SPARCL1: variants seen among roughly 807,000 people sequenced by gnomAD.
SPARCL1 encodes SPARC-like protein 1.
A neutral mutation model predicts 67.1 loss-of-function variants in SPARCL1; 52 were observed. The ratio of observed to expected loss-of-function variants is 0.78; its 90% CI spans 0.62 to 0.98. The LOEUF (loss-of-function observed/expected upper bound fraction) is 0.98. SPARCL1 is among the 50% of genes least tolerant of loss of function. SPARCL1 has a pLI of 0.00. For missense variants in SPARCL1, 717 were observed against 782.4 expected (o/e 0.92, Z 1.00); for synonymous variants, 226 against 267.8 (o/e 0.84, Z 1.52).
intron 4 of SPARCL1, 87 bp from the exon 5 acceptor site, chr4:87,491,777 G>T: frequency 1.0e-6 from 1 of 959,090 alleles, no homozygotes; most frequent in Non-Finnish European, 1.7e-6. Context: ...ACTTTCACGA[G>T]TATTTTTCAT....
At position 87,473,778 on chromosome 4, in the gene SPARCL1, A is replaced by C. The variant is rs145019066; in HGVS notation, c.1992T>G (p.Phe664Leu). 6.2e-7 allele frequency: 1 copy of C among 1,609,584 alleles called. No individual in the cohort carries two copies. Among genetic ancestry groups the C allele is most frequent in the African/African-American group, 1.3e-5 (1 of 74,930 alleles). The change falls in exon 11 of 11, where the codon TTT (phenylalanine) becomes TTG (leucine). Residue 664 changes from phenylalanine to leucine, a missense_variant. Transcript: ENST00000282470. ...KEEDIDENLL[F>L] ...TTGAGTTCTTTAAAATCTTCGTTCA[A>C]AACAAGAGATTTTCATCTATGTCCT...
At position 87,494,201 on chromosome 4, in the gene SPARCL1, C is replaced by G; in HGVS notation, c.599G>C (p.Gly200Ala). The change falls in exon 4 of 11, where the codon GGA becomes GCA. Residue 200 changes from glycine (G) to alanine (A), a missense_variant. By Grantham distance (60) the Gly-to-Ala change is moderately conservative. Coordinates refer to ENST00000282470, the MANE Select transcript of SPARCL1 (RefSeq NM_004684.6). Reference sequence around the variant, plus strand: ...TGGCTCTTTTTCTTCTTCCTCTTCTCCATTGGAAATATTTGGATCCTGCTC... The same window carrying G: ...TGGCTCTTTTTCTTCTTCCTCTTCTGCATTGGAAATATTTGGATCCTGCTC... ...NQEQDPNISNGEEEEEKEPGE... is the reference protein window; with the variant it reads ...NQEQDPNISNAEEEEEKEPGE... 6.2e-7 allele frequency: 1 copy of G among 1,614,060 alleles called. No homozygotes were observed. The highest frequency in any genetic ancestry group is 8.5e-7 in the Non-Finnish European group (1 of 1,180,028).
At chr4:87,509,179 G>C (rs946474238) in intron 1 of SPARCL1, among the ~76,000 whole-genome samples, 1 of 151,606 alleles carries the variant, frequency 6.6e-6, no homozygotes, top group Non-Finnish European at 1.5e-5. Context: ...TTTTAAATTA[G>C]GTAGTTGATA....
chr4:87,501,458 CCTTTA>C (rs1238594972), intron 1 of SPARCL1, among the ~76,000 whole-genome samples: 4 of 151,866 alleles, frequency 2.6e-5, no homozygotes, highest in South Asian at 2.1e-4. Context: ...TGTATTTTAC[CCTTTA>C]CTTGATACAT....
chr4:87,484,916 G>A (rs557374011), intron 7 of SPARCL1, among the ~76,000 whole-genome samples: 295 of 152,178 alleles, frequency 1.9e-3, no homozygotes, highest in Non-Finnish European at 3.4e-3. Context: ...CATTGATTTT[G>A]TATCCTGAGA....
chr4:87,489,795 A>G (rs1349347675), intron 7 of SPARCL1, among the ~76,000 whole-genome samples: 1 of 152,202 alleles, frequency 6.6e-6, no homozygotes, highest in Non-Finnish European at 1.5e-5. Context: ...GAGCACTGCT[A>G]ATGTGGAGAA....
intron 1 of SPARCL1, among the ~76,000 whole-genome samples, chr4:87,503,298 T>G (rs538792220): frequency 7.2e-4 from 109 of 152,292 alleles, no homozygotes; most frequent in African/African-American, 2.4e-3. Context: ...CTTGCATGGG[T>G]TCTTCAGTGT....
Position 87,496,476 on chromosome 4 carries a change from C to T in SPARCL1, c.55-1349G>A, listed in dbSNP as rs373895698. 2.0e-4 allele frequency among the ~76,000 whole-genome samples: 31 copies of T among 152,168 alleles called. 1 individual carries two copies. Among genetic ancestry groups the T allele is most frequent in the East Asian group, 7.7e-4 (4 of 5,188 alleles). ...TCAAGCAATCTTCCTGTCTTGGCCT[C>T]CCAAAGTGCTGGGATTACAGGTGTG... On this transcript the variant is annotated intron_variant, in intron 2 of 10. Coordinates refer to ENST00000282470, the MANE Select transcript of SPARCL1 (RefSeq NM_004684.6).
At chr4:87,514,328 T>C (rs139940050) in intron 1 of SPARCL1, among the ~76,000 whole-genome samples, 3 of 152,230 alleles carry the variant, frequency 2.0e-5, no homozygotes, top group African/African-American at 7.2e-5. Flanking sequence ...TTTTAAGGCA[T>C]AGAACAAGTC....
At chr4:87,514,709 T>G (rs1725512004) in intron 1 of SPARCL1, among the ~76,000 whole-genome samples, 1 of 152,218 alleles carries the variant, frequency 6.6e-6, no homozygotes, top group African/African-American at 2.4e-5. Flanking sequence ...TTGCCACATA[T>G]TGATCAAAAA....
rs73839696 is a variant in SPARCL1, at chr4:87,498,178, C to T, written c.54+1343G>A. ...TTCAGTGTTGAACATTAACTTGTCC[C>T]GCTTTTGTGATTTCAGGGTGTAATG... On this transcript the variant is annotated intron_variant, in intron 2 of 10. Transcript: ENST00000282470. 5.7e-3 allele frequency among the ~76,000 whole-genome samples: 870 copies of T among 152,284 alleles called. 15 individuals carry two copies. Among genetic ancestry groups the T allele is most frequent in the African/African-American group, 0.02 (813 of 41,552 alleles).
chr4:87,519,082 T>C (rs988278559), intron 1 of SPARCL1, among the ~76,000 whole-genome samples: 1 of 152,070 alleles, frequency 6.6e-6, no homozygotes, highest in Admixed American at 6.5e-5. Context: ...ATCTTTTTTT[T>C]TTTTTCTGAG....
intron 1 of SPARCL1, among the ~76,000 whole-genome samples, chr4:87,510,954 C>T (rs976323190): frequency 2.6e-5 from 4 of 152,228 alleles, no homozygotes; most frequent in Admixed American, 2.0e-4. Context: ...CTGCTGGTGC[C>T]AAAGTGGCCA....
rs1373884434 is a variant in SPARCL1, at chr4:87,482,555, GA to G, written c.1536del (p.Pro513LeufsTer8). 2 of 1,613,740 alleles carry G rather than the reference GA, an allele frequency of 1.2e-6. No homozygotes were observed. Among genetic ancestry groups the G allele is most frequent in the African/African-American group, 1.3e-5 (1 of 74,876 alleles). On this transcript the variant is annotated frameshift_variant, in exon 8 of 11. Transcript: ENST00000282470. LOFTEE classifies it high-confidence loss of function. ...QLDYFGACKS[I>X]PTCTDFEVIQ... ...ATCACTTCAAAGTCCGTACAAGTAGGAATAGCTGTTACAAGCAGAAAATGTA... is the reference window on the plus strand; with the variant it reads ...ATCACTTCAAAGTCCGTACAAGTAGGATAGCTGTTACAAGCAGAAAATGTA...
At chr4:87,476,353 TG>T (rs1472461153) in intron 10 of SPARCL1, among the ~76,000 whole-genome samples, 1 of 152,244 alleles carries the variant, frequency 6.6e-6, no homozygotes, top group Non-Finnish European at 1.5e-5. Flanking sequence ...ATCTTGAATA[TG>T]TTTACTTCTC....
chr4:87,508,938 C>T (rs1303277749), intron 1 of SPARCL1, among the ~76,000 whole-genome samples: 1 of 143,860 alleles, frequency 7.0e-6, no homozygotes, highest in Non-Finnish European at 1.5e-5. Flanking sequence ...TATGTATGTG[C>T]ACCTGGAGAT....
At chr4:87,477,554 T>C (rs931598414) in intron 10 of SPARCL1, among the ~76,000 whole-genome samples, 3 of 152,160 alleles carry the variant, frequency 2.0e-5, no homozygotes, top group African/African-American at 7.2e-5. Flanking sequence ...CTTGGCTTTT[T>C]CTCTCTTTCT....
intron 1 of SPARCL1, among the ~76,000 whole-genome samples, chr4:87,513,244 A>G (rs1209752113): frequency 6.6e-6 from 1 of 152,238 alleles, no homozygotes; most frequent in Non-Finnish European, 1.5e-5. Flanking sequence ...TGAAGAAAGG[A>G]GGGACAGAAT....
At chr4:87,508,366 A>AT (rs199711570) in intron 1 of SPARCL1, among the ~76,000 whole-genome samples, 17,227 of 146,486 alleles carry the variant, frequency 0.12, 1,029 homozygotes, top group East Asian at 0.16. Context: ...TGGGTAATTA[A>AT]TTTTTTTTTT....
Sources: allele counts gnomAD v4.1 joint callset (sites outside exome capture counted in the v4.1 genomes callset), GRCh38; gene constraint gnomAD v4.1.1; transcripts MANE v1.5; gene names NCBI Gene and HGNC (gene_info 2026-07-23, HGNC 2026-07-21).